Variants in CCL7 observed in about 807,000 individuals in gnomAD.
CCL7 encodes the protein C-C motif chemokine ligand 7.
Under a neutral mutation model 7.1 loss-of-function variants are expected in CCL7, and 8 were observed. The observed-to-expected ratio is 1.13, with a 90% confidence interval of 0.66 to 2.04. CCL7 has a LOEUF of 2.04. Among genes scored for constraint, CCL7 ranks in the 30% most tolerant of loss-of-function variants. CCL7 has a pLI of 0.00. For missense variants in CCL7, 134 were observed against 113.6 expected, an observed-to-expected ratio of 1.18 and a Z score of -0.82; for synonymous variants, 46 against 41.2, an observed-to-expected ratio of 1.12 and a Z score of -0.45.
chr17:34,271,747 G>C lies in CCL7; in HGVS notation c.245G>C (p.Trp82Ser). Residue 82 changes from tryptophan to serine, a missense_variant, in exon 3 of 3, where the codon TGG (tryptophan) becomes TCG (serine). Physicochemically the swap from Trp to Ser is radical, Grantham distance 177. Coordinates refer to ENST00000378569, the MANE Select transcript of CCL7 (RefSeq NM_006273.4). ...KEICADPTQK[W>S]VQDFMKHLDK... ...ATCTGTGCTGACCCCACACAGAAGT[G>C]GGTCCAGGACTTTATGAAGCACCTG... 1 of 1,613,324 alleles carries C rather than the reference G, an allele frequency of 6.2e-7. No homozygotes were observed. The highest frequency in any genetic ancestry group is 8.5e-7 in the Non-Finnish European group (1 of 1,179,794).
At position 34,271,155 on chromosome 17, in the gene CCL7, A is replaced by G. The variant is rs1166531899; in HGVS notation, c.86A>G (p.Asn29Ser). 1 of 1,614,132 alleles carries G rather than the reference A, an allele frequency of 6.2e-7. No individual in the cohort carries two copies. The highest frequency in any genetic ancestry group is 1.7e-5 in the Admixed American group (1 of 60,018). Residue 29 changes from asparagine (N) to serine (S), a missense_variant, in exon 2 of 3, where the codon AAT becomes AGT. Physicochemically the swap from Asn to Ser is conservative, Grantham distance 46. Coordinates refer to ENST00000378569, the MANE Select transcript of CCL7 (RefSeq NM_006273.4). ...TGTTGTTTCATTGCAGTTGGGATTA[A>G]TACTTCAACTACCTGCTGCTACAGA... Reference protein sequence around the residue: ...PQGLAQPVGINTSTTCCYRFI... With the variant: ...PQGLAQPVGISTSTTCCYRFI...
chr17:34,271,804 C>T lies in CCL7; in HGVS notation c.*2C>T, dbSNP rs1908181021. 6.3e-7 allele frequency: 1 copy of T among 1,588,814 alleles called. No homozygotes were observed. Among genetic ancestry groups the T allele is most frequent in the African/African-American group, 1.3e-5 (1 of 74,374 alleles). ...AAAACCCAAACTCCAAAGCTTTGAA[C>T]ATTCATGACTGAACTGAAAACAAGC... On this transcript the variant is annotated 3_prime_UTR_variant, in exon 3 of 3. Transcript: ENST00000378569.
chr17:34,270,930 A>T (rs529650372), intron 1 of CCL7, among the ~76,000 whole-genome samples: 2 of 152,318 alleles, frequency 1.3e-5, no homozygotes, highest in South Asian at 4.1e-4. Context: ...CCGTCTTTCA[A>T]CTGGTGATGG....
chr17:34,271,065 T>C (rs768673922), intron 1 of CCL7, 81 bp from the exon 2 acceptor site: 2 of 1,597,718 alleles, frequency 1.3e-6, no homozygotes, highest in Admixed American at 3.4e-5. Context: ...TGATTCCTTC[T>C]TCTTACCATT....
chr17:34,270,236 A>G lies in CCL7; in HGVS notation c.-55A>G. 6.4e-7 allele frequency: 1 copy of G among 1,556,656 alleles called. No individual in the cohort carries two copies. Among genetic ancestry groups the G allele is most frequent in the African/African-American group, 1.4e-5 (1 of 73,870 alleles). On this transcript the variant is annotated 5_prime_UTR_variant, in exon 1 of 3. Coordinates refer to ENST00000378569, the MANE Select transcript of CCL7 (RefSeq NM_006273.4). Reference sequence around the variant, plus strand: ...CTTCCAGAGGAGCAGAGGGGCTGAGACCAAACCAGAAACCTCCAATTCTCA... The same window carrying G: ...CTTCCAGAGGAGCAGAGGGGCTGAGGCCAAACCAGAAACCTCCAATTCTCA...
intron 1 of CCL7, 31 bp from the exon 2 acceptor site, chr17:34,271,115 A>G (rs757914733): frequency 1.5e-5 from 24 of 1,614,070 alleles, no homozygotes; most frequent in South Asian, 3.3e-5. Context: ...CACACCCTCA[A>G]TGGACTTTTC....
chr17:34,270,372 G>A lies in CCL7; in HGVS notation c.76+6G>A, dbSNP rs376824379. On this transcript the variant is annotated splice_donor_region_variant and intron_variant, in intron 1 of 2. Coordinates refer to ENST00000378569, the MANE Select transcript of CCL7 (RefSeq NM_006273.4). ...CCAGGGGCTTGCTCAGCCAGGTAAG[G>A]TCCCTCTCTCCTTCTCCTTGAAGCA... 7 of 1,613,620 alleles carry A rather than the reference G, an allele frequency of 4.3e-6. No individual in the cohort carries two copies. The East Asian group carries it at 8.9e-5, about 21-fold the overall frequency.
intron 2 of CCL7, 56 bp from the exon 3 acceptor site, chr17:34,271,641 C>T (rs1908167849): frequency 1.7e-6 from 2 of 1,174,908 alleles, no homozygotes; most frequent in African/African-American, 1.5e-5. Context: ...CTTGGTCACA[C>T]TCCCAGGCTG....
intron 1 of CCL7, 46 bp from the exon 2 acceptor site, chr17:34,271,100 C>A: frequency 1.2e-6 from 2 of 1,613,402 alleles, no homozygotes; most frequent in Non-Finnish European, 8.5e-7. Context: ...CAGAAAGACC[C>A]AGGACACACC....
In CCL7 at chr17:34,271,164, C is replaced by A; in HGVS notation, c.95C>A (p.Thr32Asn). The change falls in exon 2 of 3, where the codon ACT (threonine) becomes AAT (asparagine). Residue 32 changes from threonine (T) to asparagine (N), a missense_variant. Thr to Asn is a moderately conservative substitution (Grantham distance 65). Transcript: ENST00000378569. Reference protein sequence around the residue: ...LAQPVGINTSTTCCYRFINKK... With the variant: ...LAQPVGINTSNTCCYRFINKK... ...ATTGCAGTTGGGATTAATACTTCAA[C>A]TACCTGCTGCTACAGATTTATCAAT... The A allele has an allele frequency of 6.2e-7, 1 of 1,614,126 alleles. No individual in the cohort carries two copies. The highest frequency in any genetic ancestry group is 8.5e-7 in the Non-Finnish European group (1 of 1,180,020).
At chr17:34,271,329 G>C in intron 2 of CCL7, 66 bp downstream of exon 2, 1 of 1,280,222 alleles carries the variant, frequency 7.8e-7, no homozygotes, top group South Asian at 1.3e-5. Context: ...GCAGGGAATA[G>C]GACTAGTATC....
At chr17:34,271,351 G>T in intron 2 of CCL7, 88 bp downstream of exon 2, 1 of 1,051,680 alleles carries the variant, frequency 9.5e-7, no homozygotes, top group South Asian at 1.5e-5. Flanking sequence ...GAATGAGTTG[G>T]AGTCAAATAC....
At position 34,271,828 on chromosome 17, in the gene CCL7, G is replaced by T; in HGVS notation, c.*26G>T. On this transcript the variant is annotated 3_prime_UTR_variant, in exon 3 of 3. Coordinates refer to ENST00000378569, the MANE Select transcript of CCL7 (RefSeq NM_006273.4). ...ACATTCATGACTGAACTGAAAACAA[G>T]CCATGACTTGAGAAACAAATAATTT... 1 of 1,434,632 alleles carries T rather than the reference G, an allele frequency of 7.0e-7. No homozygotes were observed. The highest frequency in any genetic ancestry group is 1.2e-5 in the South Asian group (1 of 85,648). 88.9% of individuals were successfully genotyped at this position (1,434,632 alleles called of 1,614,324 possible). A position where few individuals can be genotyped will look rare whatever the true frequency, so the allele number is the denominator to read the frequency against.
intron 1 of CCL7, 36 bp downstream of exon 1, chr17:34,270,402 GC>G (rs1344511444): frequency 1.3e-6 from 2 of 1,558,388 alleles, no homozygotes; most frequent in Non-Finnish European, 1.8e-6. Context: ...GAAGCACATT[GC>G]CCCCTCTCTG....
At position 34,271,237 on chromosome 17, in the gene CCL7, T is replaced by C. The variant is rs147171186; in HGVS notation, c.168T>C (p.Ser56=). ...TGGAGAGCTACAGAAGGACCACCAG[T>C]AGCCACTGTCCCCGGGAAGCTGTAA... ...QRLESYRRTT[S]SHCPREAVIF... Residue 56 remains serine (S), a synonymous_variant, in exon 2 of 3, where the codon AGT becomes AGC. Coordinates refer to ENST00000378569, the MANE Select transcript of CCL7 (RefSeq NM_006273.4). 6.6e-5 allele frequency: 107 copies of C among 1,613,938 alleles called. No individual in the cohort carries two copies. The highest frequency in any genetic ancestry group is 8.9e-5 in the Non-Finnish European group (105 of 1,180,002).
rs1251547143 is a variant in CCL7, at chr17:34,270,381, T to C, written c.76+15T>C. On this transcript the variant is annotated intron_variant, in intron 1 of 2. Coordinates refer to ENST00000378569, the MANE Select transcript of CCL7 (RefSeq NM_006273.4). ...TGCTCAGCCAGGTAAGGTCCCTCTCTCCTTCTCCTTGAAGCACATTGCCCC... is the reference window on the plus strand; with the variant it reads ...TGCTCAGCCAGGTAAGGTCCCTCTCCCCTTCTCCTTGAAGCACATTGCCCC... 1 of 1,611,212 alleles carries C rather than the reference T, an allele frequency of 6.2e-7. No individual in the cohort carries two copies. Among genetic ancestry groups the C allele is most frequent in the Non-Finnish European group, 8.5e-7 (1 of 1,177,402 alleles).
rs1008791584 is a variant in CCL7 at position 34,272,062 on chromosome 17, G to T, written c.*260G>T. The T allele has an allele frequency of 5.6e-6, 2 of 358,826 alleles. No homozygotes were observed. The highest frequency in any genetic ancestry group is 1.0e-5 in the Non-Finnish European group (2 of 199,042). The allele number at this position is 358,826 out of a possible 1,614,324, so 22.2% of individuals were successfully genotyped here. A position where few individuals can be genotyped will look rare whatever the true frequency, so the allele number is the denominator to read the frequency against. Reference sequence around the variant, plus strand: ...CATCTCAGTGCTGTAAAAACTGTGGGATGCTCCTCCCTTCTCTACCTCATG... The same window carrying T: ...CATCTCAGTGCTGTAAAAACTGTGGTATGCTCCTCCCTTCTCTACCTCATG... On this transcript the variant is annotated 3_prime_UTR_variant, in exon 3 of 3. Coordinates refer to ENST00000378569, the MANE Select transcript of CCL7 (RefSeq NM_006273.4).
At chr17:34,271,634 G>T (rs1908167591) in intron 2 of CCL7, 63 bp from the exon 3 acceptor site, 18 of 1,038,132 alleles carry the variant, frequency 1.7e-5, no homozygotes, top group Middle Eastern at 2.1e-4. Flanking sequence ...CCATAGACTT[G>T]GTCACACTCC....
At chr17:34,271,362 T>C in intron 2 of CCL7, 99 bp downstream of exon 2, 2 of 906,482 alleles carry the variant, frequency 2.2e-6, no homozygotes, top group Non-Finnish European at 3.5e-6. Context: ...AGTCAAATAC[T>C]GTGATGCATA....
Sources: allele counts gnomAD v4.1 joint callset (sites outside exome capture counted in the v4.1 genomes callset), GRCh38; gene constraint gnomAD v4.1.1; transcripts MANE v1.5; gene names NCBI Gene and HGNC (gene_info 2026-07-23, HGNC 2026-07-21).